The following EFHC2 variants were observed in gnomAD, a reference collection of about 807,000 sequenced individuals.
The protein encoded by EFHC2 is EF-hand domain-containing family member C2.
A neutral mutation model predicts 52.7 loss-of-function variants in EFHC2; 18 were observed. That is an observed-to-expected ratio of 0.34 (90% CI 0.24 to 0.51). The LOEUF is 0.51. EFHC2 is among the 20% of genes least tolerant of loss of function. The probability of loss-of-function intolerance (pLI) is 0.97; values close to 1 mark genes in which losing one functional copy is unlikely to be tolerated. For synonymous variants in EFHC2, 203 were observed against 204.1 expected (o/e 0.99, Z 0.04); for missense variants, 513 against 562.5 (o/e 0.91, Z 0.89).
chrX:44,271,399 G>A (rs2037616054), intron 3 of EFHC2, among the ~76,000 whole-genome samples: 1 of 111,708 alleles, frequency 9.0e-6, no homozygotes, highest in Non-Finnish European at 1.9e-5. Context: ...AACAGGGATG[G>A]TAGTTATGAG....
At chrX:44,335,228 G>A (rs755277321) in intron 1 of EFHC2, among the ~76,000 whole-genome samples, 1 of 109,310 alleles carries the variant, frequency 9.1e-6, no homozygotes, top group African/African-American at 3.4e-5. Flanking sequence ...AAGAGAAGGA[G>A]GAAGAGAAAG....
chrX:44,188,943 C>A (rs940559498), intron 11 of EFHC2, among the ~76,000 whole-genome samples: 1 of 108,581 alleles, frequency 9.2e-6, no homozygotes, highest in African/African-American at 3.4e-5. Context: ...CATGGTGAAA[C>A]CCCATCTCTA....
At chrX:44,274,736 T>G (rs2037642430) in intron 2 of EFHC2, among the ~76,000 whole-genome samples, 1 of 110,160 alleles carries the variant, frequency 9.1e-6, no homozygotes, top group East Asian at 2.8e-4. Context: ...AAAAAAAAAT[T>G]TAAAAATTAG....
chrX:44,151,019 T>C (rs1002890209), intron 14 of EFHC2, among the ~76,000 whole-genome samples: 5 of 109,979 alleles, frequency 4.5e-5, no homozygotes, highest in Admixed American at 1.9e-4. Context: ...CAGGTGACCA[T>C]AGAGGCAGAG....
chrX:44,200,541 A>G (rs1167159271), intron 11 of EFHC2, among the ~76,000 whole-genome samples: 1 of 111,777 alleles, frequency 8.9e-6, no homozygotes, highest in Non-Finnish European at 1.9e-5. Context: ...GAATCAATGA[A>G]CTAGATGGGA....
At chrX:44,245,886 G>A (rs1192233608) in intron 7 of EFHC2, among the ~76,000 whole-genome samples, 4 of 111,439 alleles carry the variant, frequency 3.6e-5, no homozygotes, top group Non-Finnish European at 7.5e-5. Context: ...GCACCAAGGC[G>A]GCGTACTGCG....
chrX:44,154,398 T>C (rs995423804), intron 14 of EFHC2, among the ~76,000 whole-genome samples: 3 of 111,916 alleles, frequency 2.7e-5, no homozygotes, highest in Non-Finnish European at 5.6e-5. Context: ...TGTTTCCCAG[T>C]TGCATTAAGC....
chrX:44,192,730 G>A (rs929769562), intron 11 of EFHC2, among the ~76,000 whole-genome samples: 2 of 110,799 alleles, frequency 1.8e-5, no homozygotes, highest in Non-Finnish European at 1.9e-5. Context: ...TTATTACCAA[G>A]TTTCTGCAGT....
chrX:44,244,946 C>A (rs1330653431), intron 7 of EFHC2, among the ~76,000 whole-genome samples: 1 of 112,087 alleles, frequency 8.9e-6, no homozygotes, highest in East Asian at 2.8e-4. Flanking sequence ...GTATTCAATA[C>A]CCATGTCAAA....
intron 2 of EFHC2, chrX:44,310,127 T>C (rs2037935967): frequency 1.4e-6 from 1 of 694,951 alleles, no homozygotes; most frequent in Non-Finnish European, 2.4e-6. Context: ...GCTTCAGGGA[T>C]TCCCAGTGCC....
intron 13 of EFHC2, 94 bp downstream of exon 13, chrX:44,176,198 T>A: frequency 1.5e-6 from 1 of 683,029 alleles, no homozygotes; most frequent in Non-Finnish European, 2.2e-6. Context: ...TAAGGGTAAA[T>A]CAAGGGTAAT....
intron 2 of EFHC2, among the ~76,000 whole-genome samples, chrX:44,297,534 A>G (rs2037834526): frequency 9.2e-6 from 1 of 108,605 alleles, no homozygotes; most frequent in African/African-American, 3.4e-5. Flanking sequence ...GACCAGCCTG[A>G]CCAACATGGT....
chrX:44,306,366 T>C (rs60330396), intron 2 of EFHC2, among the ~76,000 whole-genome samples: 15,100 of 110,493 alleles, frequency 0.14, 786 homozygotes, highest in Admixed American at 0.21. Context: ...GGGCAAAGGG[T>C]AGGAAAATCA....
chrX:44,215,526 C>T (rs1290356261), intron 11 of EFHC2, among the ~76,000 whole-genome samples: 1 of 87,799 alleles, frequency 1.1e-5, no homozygotes, highest in African/African-American at 4.7e-5. Context: ...AGCATACTTC[C>T]ATTGGGGGGG....
At chrX:44,200,880 C>T (rs899219529) in intron 11 of EFHC2, among the ~76,000 whole-genome samples, 2 of 111,665 alleles carry the variant, frequency 1.8e-5, no homozygotes, top group African/African-American at 3.2e-5. Flanking sequence ...TAACAAGAGA[C>T]GTACCAACAA....
Position 44,312,758 on chromosome X carries a change from T to C in EFHC2, c.43-2A>G. 3.4e-6 allele frequency: 4 copies of C among 1,191,776 alleles called. No homozygotes were observed. The highest frequency in any genetic ancestry group is 4.5e-6 in the Non-Finnish European group (4 of 886,776). On this transcript the variant is annotated splice_acceptor_variant, in intron 1 of 14. Transcript: ENST00000420999. LOFTEE classifies it high-confidence loss of function. ...TTTGTGAAACTTCTCCTTTCCCACCTGTGAACATAAGAGACAACATAAAAT... is the reference window on the plus strand; with the variant it reads ...TTTGTGAAACTTCTCCTTTCCCACCCGTGAACATAAGAGACAACATAAAAT...
At chrX:44,239,652 G>A (rs765961918) in intron 8 of EFHC2, among the ~76,000 whole-genome samples, 1 of 111,890 alleles carries the variant, frequency 8.9e-6, no homozygotes, top group Non-Finnish European at 1.9e-5. Context: ...TAAAAAATGG[G>A]TACAATAACA....
chrX:44,277,258 C>CAAAAAAA (rs753856788), intron 2 of EFHC2, among the ~76,000 whole-genome samples: 1 of 21,822 alleles, frequency 4.6e-5, no homozygotes. Flanking sequence ...GACTCCAGCT[C>CAAAAAAA]AAAAAAAAAA....
chrX:44,342,805 G>A (rs1257852569), intron 1 of EFHC2, among the ~76,000 whole-genome samples: 1 of 105,437 alleles, frequency 9.5e-6, no homozygotes, highest in Non-Finnish European at 1.9e-5. Context: ...GAACCTGGGA[G>A]GTGGAGGTTG....
Sources: allele counts gnomAD v4.1 joint callset (sites outside exome capture counted in the v4.1 genomes callset), GRCh38; gene constraint gnomAD v4.1.1; transcripts MANE v1.5; gene names NCBI Gene and HGNC (gene_info 2026-07-23, HGNC 2026-07-21).